The following ENPP6 variants were observed in gnomAD, a reference collection of about 807,000 sequenced individuals.
ENPP6 encodes glycerophosphocholine cholinephosphodiesterase ENPP6.
Under a neutral mutation model 42.0 loss-of-function variants are expected in ENPP6, and 32 were observed. That is an observed-to-expected ratio of 0.76 (90% confidence interval 0.58 to 1.02). The LOEUF is 1.02. Among genes scored for constraint, ENPP6 ranks in the 50% least tolerant of loss-of-function variants. The pLI is 0.00. For synonymous variants in ENPP6, 213 were observed against 216.0 expected, an observed-to-expected ratio of 0.99 and a Z score of 0.12; for missense variants, 552 against 566.8, an observed-to-expected ratio of 0.97 and a Z score of 0.27.
chr4:184,112,802 T>C lies in ENPP6; in HGVS notation c.863A>G (p.Asn288Ser). The change falls in exon 6 of 8, where the codon AAC (asparagine) becomes AGC (serine). Residue 288 changes from asparagine (N) to serine (S), a missense_variant. Physicochemically the swap from Asn to Ser is conservative, Grantham distance 46. Transcript: ENST00000296741. ...CATGTGTTCCACTGTGCTCAGTTTG[T>C]TATATATCTGCAAAGAAAATCAAGA... ...PAPGKHSEIY[N>S]KLSTVEHMTV... The C allele has an allele frequency of 6.2e-7, 1 of 1,612,730 alleles. No individual in the cohort carries two copies.
intron 2 of ENPP6, among the ~76,000 whole-genome samples, chr4:184,147,438 C>T (rs548263210): frequency 4.5e-4 from 69 of 152,338 alleles, no homozygotes; most frequent in Non-Finnish European, 8.2e-4. Flanking sequence ...GATGCCATCA[C>T]GCTCTTCCTT....
At chr4:184,115,515 G>A (rs1289634043) in intron 5 of ENPP6, among the ~76,000 whole-genome samples, 2 of 152,164 alleles carry the variant, frequency 1.3e-5, no homozygotes, top group Non-Finnish European at 2.9e-5. Flanking sequence ...GCAGAGCTTT[G>A]TCCCCCATCT....
In ENPP6 at chr4:184,153,489, G is replaced by C. The variant is rs868058891; in HGVS notation, c.421+65C>G. 2.7e-6 allele frequency: 4 copies of C among 1,490,630 alleles called. No individual in the cohort carries two copies. The African/African-American group carries it at 5.7e-5, about 21-fold the overall frequency. 92.3% of individuals were successfully genotyped at this position (1,490,630 alleles called of 1,614,324 possible). A position where few individuals can be genotyped will look rare whatever the true frequency, so the allele number is the denominator to read the frequency against. On this transcript the variant is annotated intron_variant, in intron 2 of 7. Coordinates refer to ENST00000296741, the MANE Select transcript of ENPP6 (RefSeq NM_153343.4). The stretch of plus-strand genomic sequence containing the variant: ...CGGCTTGGTCTTCAAACAGTAACTT[G>C]ACACCGACTGTCCTCAGAGACTCTA...
intron 1 of ENPP6, among the ~76,000 whole-genome samples, chr4:184,164,948 C>T (rs1737325146): frequency 6.6e-6 from 1 of 152,192 alleles, no homozygotes. Flanking sequence ...CAGCACTCCA[C>T]GCGATTCCCA....
At position 184,091,346 on chromosome 4, in the gene ENPP6, G is replaced by A. The variant is rs779393306; in HGVS notation, c.1154C>T (p.Ser385Leu). The A allele has an allele frequency of 6.8e-6, 11 of 1,612,712 alleles. No homozygotes were observed. The highest frequency in any genetic ancestry group is 2.2e-5 in the East Asian group (1 of 44,870). ...GCACATGACATTGTAGACGTCCACC[G>A]ACCTGATAGGAGCAGCTCTGAAGTT... ...KSNFRAAPIRSVDVYNVMCNV... is the reference protein window; with the variant it reads ...KSNFRAAPIRLVDVYNVMCNV... Residue 385 changes from serine (S) to leucine (L), a missense_variant, in exon 8 of 8, where the codon TCG becomes TTG. By Grantham distance (145) the Ser-to-Leu change is moderately radical. Coordinates refer to ENST00000296741, the MANE Select transcript of ENPP6 (RefSeq NM_153343.4).
chr4:184,185,381 A>C (rs1311693265), intron 1 of ENPP6, among the ~76,000 whole-genome samples: 1 of 152,162 alleles, frequency 6.6e-6, no homozygotes, highest in African/African-American at 2.4e-5. Flanking sequence ...TCTACAACCA[A>C]ATGAGGGACA....
intron 2 of ENPP6, among the ~76,000 whole-genome samples, chr4:184,142,996 C>T (rs566286551): frequency 3.8e-4 from 58 of 152,166 alleles, no homozygotes; most frequent in Non-Finnish European, 5.4e-4. Flanking sequence ...GTCTGAGGCA[C>T]GTGCCTCATG....
At chr4:184,162,301 G>C (rs1443499161) in intron 1 of ENPP6, among the ~76,000 whole-genome samples, 1 of 152,186 alleles carries the variant, frequency 6.6e-6, no homozygotes, top group Non-Finnish European at 1.5e-5. Context: ...GGGAAGGAAG[G>C]AAAGAAGAAA....
intron 6 of ENPP6, among the ~76,000 whole-genome samples, chr4:184,104,867 G>A (rs1579610028): frequency 6.6e-6 from 1 of 152,324 alleles, no homozygotes; most frequent in Middle Eastern, 3.4e-3. Flanking sequence ...TGCCCTCAGG[G>A]AGCCTCCACT....
chr4:184,187,296 GA>G (rs2111104976), intron 1 of ENPP6, among the ~76,000 whole-genome samples: 1 of 152,364 alleles, frequency 6.6e-6, no homozygotes, highest in East Asian at 1.9e-4. Flanking sequence ...CAGCTTGGGA[GA>G]AGTGAAACTT....
chr4:184,200,758 G>T (rs1216493031), intron 1 of ENPP6, among the ~76,000 whole-genome samples: 1 of 152,166 alleles, frequency 6.6e-6, no homozygotes, highest in African/African-American at 2.4e-5. Flanking sequence ...GGATGAGACT[G>T]CTCACCACCA....
chr4:184,140,328 A>T lies in ENPP6; in HGVS notation c.421+13226T>A, dbSNP rs62340123. Reference sequence around the variant, plus strand: ...GGCCATACTGCCCAAGGTAATTTACAGATTCAATGCCATCCCCATCAAGCT... The same window carrying T: ...GGCCATACTGCCCAAGGTAATTTACTGATTCAATGCCATCCCCATCAAGCT... On this transcript the variant is annotated intron_variant, in intron 2 of 7. Transcript: ENST00000296741. Among the ~76,000 whole-genome samples the T allele has an allele frequency of 5.2e-3, 785 of 149,706 alleles. 2 individuals are homozygous for T. The highest frequency in any genetic ancestry group is 8.0e-3 in the Non-Finnish European group (541 of 67,414).
At chr4:184,201,619 T>C (rs190306264) in intron 1 of ENPP6, among the ~76,000 whole-genome samples, 92 of 152,294 alleles carry the variant, frequency 6.0e-4, no homozygotes, top group Admixed American at 1.6e-3. Flanking sequence ...CTGGTCACCA[T>C]GGAAGCCAAA....
chr4:184,214,822 G>A (rs1733172591), intron 1 of ENPP6, among the ~76,000 whole-genome samples: 1 of 152,124 alleles, frequency 6.6e-6, no homozygotes, highest in African/African-American at 2.4e-5. Context: ...CACACACTGG[G>A]CCCTGTTGGA....
chr4:184,124,206 T>A lies in ENPP6; in HGVS notation c.488A>T (p.Asp163Val), dbSNP rs1736464438. The A allele has an allele frequency of 6.2e-7, 1 of 1,613,950 alleles. No individual in the cohort carries two copies. Among genetic ancestry groups the A allele is most frequent in the Non-Finnish European group, 8.5e-7 (1 of 1,179,976 alleles). Residue 163 changes from aspartate (D) to valine (V), a missense_variant, in exon 3 of 8, where the codon GAT (aspartate) becomes GTT (valine). Asp to Val is a radical substitution (Grantham distance 152). This residue lies in a region of ENPP6 where 545 missense variants were observed against 546.3 expected (regional missense o/e 1.00). Transcript: ENST00000296741. ...YCLEYKNVPT[D>V]INFANAVSDA... The stretch of plus-strand genomic sequence containing the variant: ...GCTGACTGCATTGGCAAAATTGATA[T>A]CCGTTGGGACATTTTTATATTCTAG...
intron 1 of ENPP6, among the ~76,000 whole-genome samples, chr4:184,175,143 C>T (rs757830179): frequency 1.6e-4 from 25 of 152,188 alleles, no homozygotes; most frequent in Admixed American, 4.6e-4. Context: ...TGTGTCCTCA[C>T]TCCCTCACCT....
chr4:184,116,206 G>A (rs1368989728), intron 5 of ENPP6, among the ~76,000 whole-genome samples: 1 of 151,510 alleles, frequency 6.6e-6, no homozygotes, highest in African/African-American at 2.4e-5. Context: ...CTGGGCGACA[G>A]AGCGAGACTC....
At chr4:184,122,404 ACACCACCAC>A (rs57184304) in intron 3 of ENPP6, among the ~76,000 whole-genome samples, 39 of 140,786 alleles carry the variant, frequency 2.8e-4, no homozygotes, top group Non-Finnish European at 5.5e-4. Context: ...ACACACTCAT[ACACCACCAC>A]CACCACCACC....
intron 1 of ENPP6, among the ~76,000 whole-genome samples, chr4:184,204,285 C>T (rs1280645950): frequency 1.3e-5 from 2 of 152,158 alleles, no homozygotes; most frequent in Non-Finnish European, 2.9e-5. Context: ...CAAATTAGCC[C>T]ATAACGTGGC....
Sources: allele counts gnomAD v4.1 joint callset (sites outside exome capture counted in the v4.1 genomes callset), GRCh38; gene constraint gnomAD v4.1.1; regional missense constraint gnomAD v4.1.1; transcripts MANE v1.5; gene names NCBI Gene and HGNC (gene_info 2026-07-23, HGNC 2026-07-21).